MAGI1: variants seen among roughly 807,000 people sequenced by gnomAD.
The protein encoded by MAGI1 is membrane-associated guanylate kinase, WW and PDZ domain-containing protein 1.
Under a neutral mutation model 139.9 loss-of-function variants are expected in MAGI1, and 58 were observed. That is an observed-to-expected ratio of 0.41 (90% CI 0.34 to 0.52). MAGI1 has a LOEUF of 0.52. Among genes scored for constraint, MAGI1 ranks in the 20% least tolerant of loss-of-function variants. The pLI is 0.12. For synonymous variants in MAGI1, 812 were observed against 737.9 expected, an observed-to-expected ratio of 1.10 and a Z score of -1.63; for missense variants, 1,874 against 1,901.6, an observed-to-expected ratio of 0.99 and a Z score of 0.27.
At chr3:65,484,824 C>A (rs991225667) in intron 3 of MAGI1, among the ~76,000 whole-genome samples, 2 of 152,176 alleles carry the variant, frequency 1.3e-5, no homozygotes, top group Non-Finnish European at 2.9e-5. Flanking sequence ...CTGTCCTTAT[C>A]AGTTCTTATA....
At chr3:65,675,983 T>C (rs2087166773) in intron 1 of MAGI1, among the ~76,000 whole-genome samples, 1 of 152,322 alleles carries the variant, frequency 6.6e-6, no homozygotes, top group East Asian at 1.9e-4. Flanking sequence ...CTACCCTATA[T>C]ATGTCAATAG....
Position 65,356,025 on chromosome 3 carries a change from C to G in MAGI1, c.*353G>C. ...AATTCCCTTACGTAGAGAAAATGAT[C>G]AACAGCCCCATTTAACCAGGAGAGA... is the stretch of plus-strand genomic sequence containing the variant. On this transcript the variant is annotated 3_prime_UTR_variant, in exon 23 of 23. Transcript: ENST00000402939. The G allele has an allele frequency of 5.6e-6, 1 of 179,320 alleles. No individual in the cohort carries two copies. The highest frequency in any genetic ancestry group is 6.0e-5 in the Admixed American group (1 of 16,550). The allele number at this position is 179,320 out of a possible 1,614,324, so 11.1% of individuals were successfully genotyped here.
chr3:65,618,128 G>A (rs2107016794), intron 2 of MAGI1, among the ~76,000 whole-genome samples: 1 of 152,232 alleles, frequency 6.6e-6, no homozygotes, highest in South Asian at 2.1e-4. Flanking sequence ...AGCGAAATAG[G>A]AAAAAATAAT....
intron 2 of MAGI1, among the ~76,000 whole-genome samples, chr3:65,525,997 A>C (rs2107819222): frequency 6.6e-6 from 1 of 152,300 alleles, no homozygotes; most frequent in East Asian, 1.9e-4. Context: ...TATATGGAAA[A>C]AGGCTTCCTA....
chr3:66,030,283 A>G (rs940966773), intron 1 of MAGI1, among the ~76,000 whole-genome samples: 12 of 152,180 alleles, frequency 7.9e-5, no homozygotes, highest in Admixed American at 3.9e-4. Context: ...AGTCACCTAA[A>G]TTTTCAGGGA....
intron 18 of MAGI1, among the ~76,000 whole-genome samples, chr3:65,366,176 A>T (rs1306138738): frequency 2.6e-5 from 4 of 152,158 alleles, no homozygotes; most frequent in Non-Finnish European, 1.5e-5. Context: ...GCAATGTTTA[A>T]GCTCTGTGCC....
At chr3:65,746,761 G>A (rs2035745532) in intron 1 of MAGI1, among the ~76,000 whole-genome samples, 1 of 152,134 alleles carries the variant, frequency 6.6e-6, no homozygotes, top group African/African-American at 2.4e-5. Flanking sequence ...GTGAATATCT[G>A]GAAAATAATT....
At chr3:65,499,076 A>AC in intron 2 of MAGI1, 2 of 941,382 alleles carry the variant, frequency 2.1e-6, no homozygotes, top group Non-Finnish European at 2.5e-6. Flanking sequence ...AAAAAAAACA[A>AC]AAAACTCTCA....
At chr3:65,623,037 C>A (rs1238959003) in intron 1 of MAGI1, among the ~76,000 whole-genome samples, 1 of 152,126 alleles carries the variant, frequency 6.6e-6, no homozygotes, top group Non-Finnish European at 1.5e-5. Flanking sequence ...ATGTCTGATT[C>A]CTTTTCTGTA....
intron 2 of MAGI1, among the ~76,000 whole-genome samples, chr3:65,532,136 C>A (rs2078743430): frequency 6.6e-6 from 1 of 152,132 alleles, no homozygotes; most frequent in East Asian, 1.9e-4. Context: ...CTTTCTAAAT[C>A]CTAAACCAAA....
intron 22 of MAGI1, chr3:65,359,758 T>C: frequency 1.9e-5 from 19 of 985,710 alleles, no homozygotes; most frequent in Non-Finnish European, 2.2e-5. Context: ...ATTTAAATGA[T>C]CTTTATTTTT....
intron 2 of MAGI1, among the ~76,000 whole-genome samples, chr3:65,512,414 C>A (rs2077645318): frequency 6.9e-6 from 1 of 145,352 alleles, no homozygotes; most frequent in African/African-American, 2.5e-5. Context: ...ACTAGCAAGA[C>A]TAATAAAGAA....
intron 1 of MAGI1, among the ~76,000 whole-genome samples, chr3:66,036,011 T>C (rs541805703): frequency 6.6e-6 from 1 of 152,232 alleles, no homozygotes; most frequent in Non-Finnish European, 1.5e-5. Context: ...CTGCGAGGCA[T>C]CCCCCTAGTT....
At chr3:65,607,043 C>T (rs1460763404) in intron 2 of MAGI1, among the ~76,000 whole-genome samples, 2 of 152,018 alleles carry the variant, frequency 1.3e-5, no homozygotes, top group East Asian at 1.9e-4. Flanking sequence ...CCAATAACTG[C>T]CTAAGTCCCT....
At chr3:65,789,805 A>C (rs1208267171) in intron 1 of MAGI1, among the ~76,000 whole-genome samples, 1 of 152,084 alleles carries the variant, frequency 6.6e-6, no homozygotes. Flanking sequence ...CAAAAACAGA[A>C]ACAAAAAAAG....
intron 1 of MAGI1, among the ~76,000 whole-genome samples, chr3:66,025,207 T>G (rs1230366186): frequency 6.6e-6 from 1 of 152,272 alleles, no homozygotes; most frequent in Non-Finnish European, 1.5e-5. Flanking sequence ...TTGCAGTCAC[T>G]GAAATAGTCA....
At chr3:65,783,332 C>T (rs1187285266) in intron 1 of MAGI1, among the ~76,000 whole-genome samples, 1 of 152,042 alleles carries the variant, frequency 6.6e-6, no homozygotes, top group Non-Finnish European at 1.5e-5. Flanking sequence ...CGCTTCACAC[C>T]CACTAGGATG....
intron 12 of MAGI1, among the ~76,000 whole-genome samples, chr3:65,404,534 A>G (rs1945178272): frequency 6.6e-6 from 1 of 152,252 alleles, no homozygotes; most frequent in African/African-American, 2.4e-5. Flanking sequence ...TAATATTTAA[A>G]TAGTCAAAAT....
intron 1 of MAGI1, among the ~76,000 whole-genome samples, chr3:65,834,876 T>A (rs2108310681): frequency 6.6e-6 from 1 of 152,360 alleles, no homozygotes. Context: ...TGAAGTCTAC[T>A]TTATCTGACA....
Sources: allele counts gnomAD v4.1 joint callset (sites outside exome capture counted in the v4.1 genomes callset), GRCh38; gene constraint gnomAD v4.1.1; transcripts MANE v1.5; gene names NCBI Gene and HGNC (gene_info 2026-07-23, HGNC 2026-07-21).